DLGAP2: variants seen among roughly 807,000 people sequenced by gnomAD.
The protein encoded by DLGAP2 is disks large-associated protein 2.
In DLGAP2, 26 loss-of-function variants were observed where a neutral mutation model predicts 100.3. The observed-to-expected ratio is 0.26, with a 90% CI of 0.19 to 0.36. The LOEUF (loss-of-function observed/expected upper bound fraction) is 0.36, where lower values mean the gene tolerates loss of function less well. Ranked by LOEUF, DLGAP2 falls within the 10% of genes least tolerant of loss-of-function variation. The probability of loss-of-function intolerance (pLI) is 1.00; values close to 1 mark genes in which losing one functional copy is unlikely to be tolerated. For synonymous variants in DLGAP2, 886 were observed against 630.1 expected (o/e 1.41, Z -6.08); for missense variants, 1,858 against 1,453.2 (o/e 1.28, Z -4.53).
At chr8:1,528,917 A>G (rs2130446984) in intron 4 of DLGAP2, among the ~76,000 whole-genome samples, 2 of 152,346 alleles carry the variant, frequency 1.3e-5, no homozygotes, top group South Asian at 4.1e-4. Flanking sequence ...CCTTTCTGCA[A>G]TTTTTAAAAA....
chr8:800,774 A>G (rs183106842), intron 1 of DLGAP2, among the ~76,000 whole-genome samples: 29 of 152,208 alleles, frequency 1.9e-4, no homozygotes, highest in African/African-American at 6.7e-4. Flanking sequence ...CTGTGTGCAC[A>G]TATGTTTTCT....
intron 2 of DLGAP2, chr8:1,002,289 G>T (rs1359727076): frequency 6.6e-6 from 1 of 152,136 alleles, no homozygotes. Flanking sequence ...ACTTCCTCCG[G>T]GGTCTGTGAC....
At chr8:787,247 G>A (rs576010197) in intron 1 of DLGAP2, among the ~76,000 whole-genome samples, 2 of 152,164 alleles carry the variant, frequency 1.3e-5, no homozygotes, top group African/African-American at 2.4e-5. Flanking sequence ...GTGTTCGAAC[G>A]TTAGTAACTA....
Position 1,173,851 on chromosome 8 carries a change from C to T in DLGAP2, c.74-85000C>T, listed in dbSNP as rs569408600. Among the ~76,000 whole-genome samples, 177 of 152,338 alleles carry T rather than the reference C, an allele frequency of 1.2e-3. 1 individual carries two copies. The South Asian group carries it at 0.013, about 11-fold the overall frequency. Reference sequence around the variant, plus strand: ...GCGCTTCCTGAGTGAGGCAATGCGTCGCCCTGCTTCGGCTCCCGCACGGTG... The same window carrying T: ...GCGCTTCCTGAGTGAGGCAATGCGTTGCCCTGCTTCGGCTCCCGCACGGTG... On this transcript the variant is annotated intron_variant, in intron 2 of 14. Transcript: ENST00000637795.
intron 1 of DLGAP2, among the ~76,000 whole-genome samples, chr8:831,830 A>C (rs974749160): frequency 6.6e-6 from 1 of 152,152 alleles, no homozygotes; most frequent in African/African-American, 2.4e-5. Flanking sequence ...CATTCCCACC[A>C]ACAGTGTAAA....
At chr8:1,339,122 A>C (rs1156504609) in intron 3 of DLGAP2, among the ~76,000 whole-genome samples, 1 of 150,186 alleles carries the variant, frequency 6.7e-6, no homozygotes, top group Non-Finnish European at 1.5e-5. Flanking sequence ...CCCGGGAGGG[A>C]ATGCAGTGAC....
chr8:1,555,088 G>C (rs141879571), intron 5 of DLGAP2, among the ~76,000 whole-genome samples: 2 of 152,110 alleles, frequency 1.3e-5, no homozygotes, highest in East Asian at 1.9e-4. Flanking sequence ...ATCTGGGGCC[G>C]TGAATGGATA....
intron 2 of DLGAP2, among the ~76,000 whole-genome samples, chr8:1,119,235 G>A (rs1795977742): frequency 6.6e-6 from 1 of 152,206 alleles, no homozygotes; most frequent in African/African-American, 2.4e-5. Flanking sequence ...ATTTTAAGTA[G>A]GTTTGGAATC....
chr8:818,342 C>G lies in DLGAP2; in HGVS notation c.18+80517C>G, dbSNP rs573563246. ...GCAGCCCGCTGTCCTAAAGGTTGGT[C>G]TAACTCCCACCGTGCCCCACCAACA... On this transcript the variant is annotated intron_variant, in intron 1 of 14. Coordinates refer to ENST00000637795, the MANE Select transcript of DLGAP2 (RefSeq NM_001346810.2). 5.3e-5 allele frequency among the ~76,000 whole-genome samples: 8 copies of G among 152,304 alleles called. 1 individual carries two copies. The South Asian group carries it at 1.4e-3, about 28-fold the overall frequency.
chr8:1,058,987 C>A (rs571987317), intron 2 of DLGAP2, among the ~76,000 whole-genome samples: 9 of 152,282 alleles, frequency 5.9e-5, no homozygotes, highest in African/African-American at 1.9e-4. Flanking sequence ...CAGGGCTGTA[C>A]CTTGGGCTGG....
At chr8:1,214,569 C>T (rs113736847) in intron 2 of DLGAP2, among the ~76,000 whole-genome samples, 42 of 152,332 alleles carry the variant, frequency 2.8e-4, no homozygotes, top group African/African-American at 8.9e-4. Context: ...CCTTCTCACA[C>T]GGCCTCCTCC....
rs534338114 is a variant in DLGAP2 at position 1,263,280 on chromosome 8, C to G, written c.106+4397C>G. On this transcript the variant is annotated intron_variant, in intron 3 of 14. Coordinates refer to ENST00000637795, the MANE Select transcript of DLGAP2 (RefSeq NM_001346810.2). ...TCCAGGCTAAAAGCAAAATTCAAGT[C>G]TTAAAAAAACTAAGTAGTTTAAGGT... Among the ~76,000 whole-genome samples, 15 of 152,144 alleles carry G rather than the reference C, an allele frequency of 9.9e-5. No homozygotes were observed. The East Asian group carries it at 2.3e-3, about 23-fold the overall frequency.
chr8:1,338,382 G>A (rs1282110936), intron 3 of DLGAP2, among the ~76,000 whole-genome samples: 1 of 152,158 alleles, frequency 6.6e-6, no homozygotes, highest in Non-Finnish European at 1.5e-5. Context: ...AATGAGAGAA[G>A]CCAGACTCAA....
At chr8:1,691,647 C>G in intron 13 of DLGAP2, 21 bp downstream of exon 13, 1 of 1,591,680 alleles carries the variant, frequency 6.3e-7, no homozygotes, top group African/African-American at 1.3e-5. Flanking sequence ...CCTCAGTGAA[C>G]CCCTGTTCCC....
intron 4 of DLGAP2, among the ~76,000 whole-genome samples, chr8:1,543,861 G>A (rs576532129): frequency 2.0e-5 from 3 of 152,008 alleles, no homozygotes; most frequent in African/African-American, 4.8e-5. Context: ...TTTCAGTAGC[G>A]ATGTTTTCTA....
At chr8:1,664,159 A>G (rs947977060) in intron 8 of DLGAP2, among the ~76,000 whole-genome samples, 1 of 152,052 alleles carries the variant, frequency 6.6e-6, no homozygotes, top group South Asian at 2.1e-4. Context: ...GGCCATGCCC[A>G]CTGGCCTTCC....
chr8:1,668,392 C>T lies in DLGAP2; in HGVS notation c.1874C>T (p.Pro625Leu), dbSNP rs987720109. 2 of 1,603,178 alleles carry T rather than the reference C, an allele frequency of 1.2e-6. No homozygotes were observed. Among genetic ancestry groups the T allele is most frequent in the Non-Finnish European group, 1.7e-6 (2 of 1,175,212 alleles). The change falls in exon 9 of 15, where the codon CCT becomes CTT. Residue 625 changes from proline (P) to leucine (L), a missense_variant. Physicochemically the swap from Pro to Leu is moderately conservative, Grantham distance 98. Transcript: ENST00000637795. ...PPVPPRTTSK[P>L]LISVTAQSST... is the part of the protein sequence containing the mutation. ...GTGCCCCCTCGGACCACCTCCAAGC[C>T]TCTGATCTCGGTGACGGCGCAGAGC... is the stretch of plus-strand genomic sequence containing the variant.
At chr8:794,354 G>C (rs550008757) in intron 1 of DLGAP2, among the ~76,000 whole-genome samples, 21 of 152,262 alleles carry the variant, frequency 1.4e-4, no homozygotes, top group East Asian at 1.4e-3. Context: ...GAGGTGTGAG[G>C]TGGGAAATCA....
Position 1,697,151 on chromosome 8 carries a change from C to G in DLGAP2, c.2801C>G (p.Pro934Arg). The G allele has an allele frequency of 6.3e-7, 1 of 1,582,340 alleles. No homozygotes were observed. The highest frequency in any genetic ancestry group is 2.3e-5 in the East Asian group (1 of 44,296). Reference protein sequence around the residue: ...FYWLCQQNMDPSAMPRPTSQD... With the variant: ...FYWLCQQNMDRSAMPRPTSQD... ...ACACCCTGTGTGTGTCCCCAGGACC[C>G]CAGCGCCATGCCGAGGCCGACGTCG... Residue 934 changes from proline (P) to arginine (R), a missense_variant, in exon 14 of 15, where the codon CCC (proline) becomes CGC (arginine). Coordinates refer to ENST00000637795, the MANE Select transcript of DLGAP2 (RefSeq NM_001346810.2).
Sources: allele counts gnomAD v4.1 joint callset (sites outside exome capture counted in the v4.1 genomes callset), GRCh38; gene constraint gnomAD v4.1.1; transcripts MANE v1.5; gene names NCBI Gene and HGNC (gene_info 2026-07-23, HGNC 2026-07-21).